The following VPS13B variants were observed in gnomAD, a reference collection of about 807,000 sequenced individuals.
The protein encoded by VPS13B is vacuolar protein sorting 13 homolog B.
Under a neutral mutation model 426.4 loss-of-function variants are expected in VPS13B, and 285 were observed. The observed-to-expected ratio is 0.67, with a 90% CI of 0.61 to 0.74. VPS13B has a LOEUF of 0.74. Among genes scored for constraint, VPS13B ranks in the 30% least tolerant of loss-of-function variants. The pLI is 0.00. For missense variants in VPS13B, 4,537 were observed against 4,782.6 expected (o/e 0.95, Z 1.51); for synonymous variants, 1,676 against 1,676.4 (o/e 1.00, Z 0.01).
chr8:99,325,397 A>G (rs924740828), intron 19 of VPS13B, among the ~76,000 whole-genome samples: 10 of 152,198 alleles, frequency 6.6e-5, no homozygotes, highest in Non-Finnish European at 1.5e-4. Flanking sequence ...AATTGTCCAG[A>G]CTATCAGATA....
intron 19 of VPS13B, among the ~76,000 whole-genome samples, chr8:99,330,106 A>G (rs1810475814): frequency 6.6e-6 from 1 of 151,962 alleles, no homozygotes; most frequent in Admixed American, 6.6e-5. Context: ...CATGTCTTCC[A>G]AGGATTTTAG....
chr8:99,595,303 G>A (rs1173844881), intron 33 of VPS13B, among the ~76,000 whole-genome samples: 1 of 151,882 alleles, frequency 6.6e-6, no homozygotes, highest in Non-Finnish European at 1.5e-5. Flanking sequence ...ATAGAATTGA[G>A]AGTTCAGGTA....
At chr8:99,400,695 G>A (rs553558530) in intron 21 of VPS13B, among the ~76,000 whole-genome samples, 13 of 151,904 alleles carry the variant, frequency 8.6e-5, no homozygotes, top group South Asian at 2.1e-4. Context: ...GTTTTGTGGC[G>A]GAGTCTCGCT....
At chr8:99,391,256 T>G (rs1204875326) in intron 20 of VPS13B, among the ~76,000 whole-genome samples, 1 of 152,096 alleles carries the variant, frequency 6.6e-6, no homozygotes, top group Non-Finnish European at 1.5e-5. Context: ...AAACTTACAT[T>G]TTCTGGGTAC....
intron 33 of VPS13B, among the ~76,000 whole-genome samples, chr8:99,605,597 C>G (rs1827530797): frequency 6.6e-6 from 1 of 152,096 alleles, no homozygotes; most frequent in Non-Finnish European, 1.5e-5. Flanking sequence ...GTTTTTTCCT[C>G]AGGCATCTCT....
chr8:99,563,502 GTCAA>G (rs1445007927), intron 31 of VPS13B, among the ~76,000 whole-genome samples: 1 of 151,944 alleles, frequency 6.6e-6, no homozygotes, highest in African/African-American at 2.4e-5. Flanking sequence ...GTACAAAATA[GTCAA>G]TCATTCATTT....
chr8:99,370,268 G>A (rs540677861), intron 19 of VPS13B, among the ~76,000 whole-genome samples: 1 of 152,060 alleles, frequency 6.6e-6, no homozygotes, highest in African/African-American at 2.4e-5. Context: ...TAACAAACAA[G>A]GTAATGTGAT....
At chr8:99,216,477 C>A (rs889219332) in intron 17 of VPS13B, among the ~76,000 whole-genome samples, 1 of 151,356 alleles carries the variant, frequency 6.6e-6, no homozygotes, top group Admixed American at 6.6e-5. Context: ...ATATTCTCAT[C>A]CTAGCATATC....
At chr8:99,692,735 A>G (rs1165072937) in intron 35 of VPS13B, among the ~76,000 whole-genome samples, 1 of 147,686 alleles carries the variant, frequency 6.8e-6, no homozygotes. Flanking sequence ...AAAACCCTTC[A>G]AAAAATCAAT....
chr8:99,602,161 G>T (rs1466071894), intron 33 of VPS13B, among the ~76,000 whole-genome samples: 1 of 152,136 alleles, frequency 6.6e-6, no homozygotes, highest in Non-Finnish European at 1.5e-5. Flanking sequence ...AATCCACCTT[G>T]AGTTAATTTT....
chr8:99,872,341 T>C (rs1817465250), intron 61 of VPS13B, among the ~76,000 whole-genome samples: 1 of 152,250 alleles, frequency 6.6e-6, no homozygotes, highest in African/African-American at 2.4e-5. Flanking sequence ...ATTCTGTGGC[T>C]GTGTTCTCTT....
At chr8:99,570,041 G>A (rs1048449769) in intron 31 of VPS13B, among the ~76,000 whole-genome samples, 2 of 152,096 alleles carry the variant, frequency 1.3e-5, no homozygotes, top group East Asian at 3.9e-4. Flanking sequence ...GTACATCAGC[G>A]AATTATTGAT....
chr8:99,720,386 A>G lies in VPS13B; in HGVS notation c.6699A>G (p.Leu2233=). 6.2e-7 allele frequency: 1 copy of G among 1,613,786 alleles called. No homozygotes were observed. Among genetic ancestry groups the G allele is most frequent in the East Asian group, 2.2e-5 (1 of 44,862 alleles). The change falls in exon 38 of 62, where the codon CTA becomes CTG. Residue 2233 remains leucine (L), a synonymous_variant. Transcript: ENST00000357162. ...AACATTTGAATTGTTTAGTTCTTCT[A>G]CATGAATTACTCAATGGATACCTTA... ...GQEHLNCLVL[L]HELLNGYLNE... is the part of the protein sequence containing the mutation.
chr8:99,872,643 T>C (rs1817485313), intron 61 of VPS13B, among the ~76,000 whole-genome samples: 1 of 152,186 alleles, frequency 6.6e-6, no homozygotes, highest in South Asian at 2.1e-4. Context: ...ATTATTTACC[T>C]AAATAATAGA....
intron 29 of VPS13B, among the ~76,000 whole-genome samples, chr8:99,514,901 T>G (rs934964020): frequency 9.2e-5 from 14 of 152,184 alleles, no homozygotes; most frequent in Non-Finnish European, 2.1e-4. Flanking sequence ...GAGCACGATT[T>G]GTGGTATTTT....
chr8:99,213,887 A>G (rs1815247394), intron 17 of VPS13B, among the ~76,000 whole-genome samples: 1 of 150,272 alleles, frequency 6.7e-6, no homozygotes. Flanking sequence ...GGCTACCGTC[A>G]TGAATTTCCC....
intron 21 of VPS13B, among the ~76,000 whole-genome samples, chr8:99,431,071 A>G (rs1817080681): frequency 6.6e-6 from 1 of 152,190 alleles, no homozygotes; most frequent in Non-Finnish European, 1.5e-5. Context: ...GTTATCAGGA[A>G]CATTTACATA....
Position 99,096,527 on chromosome 8 carries a change from G to T in VPS13B, c.412+95G>T, listed in dbSNP as rs536187840. Reference sequence around the variant, plus strand: ...TCCCAGTGCTTTGGGGGGCTGAGGCGGGTGGATTACTTGAGGTCAGGAGTT... The same window carrying T: ...TCCCAGTGCTTTGGGGGGCTGAGGCTGGTGGATTACTTGAGGTCAGGAGTT... On this transcript the variant is annotated intron_variant, in intron 4 of 61. Transcript: ENST00000357162. 1.9e-6 allele frequency: 3 copies of T among 1,544,516 alleles called. No individual in the cohort carries two copies. In the Admixed American group the frequency reaches 5.5e-5, roughly 28 times the overall value.
At chr8:99,223,461 T>C (rs983802268) in intron 17 of VPS13B, among the ~76,000 whole-genome samples, 3 of 152,164 alleles carry the variant, frequency 2.0e-5, no homozygotes, top group Non-Finnish European at 4.4e-5. Context: ...TATCATTATT[T>C]CCATTGTACA....
Sources: allele counts gnomAD v4.1 joint callset (sites outside exome capture counted in the v4.1 genomes callset), GRCh38; gene constraint gnomAD v4.1.1; transcripts MANE v1.5; gene names NCBI Gene and HGNC (gene_info 2026-07-23, HGNC 2026-07-21).